CDH8: variants seen among roughly 807,000 people sequenced by gnomAD.
The protein encoded by CDH8 is cadherin 8.
In CDH8, 17 loss-of-function variants were observed where a neutral mutation model predicts 68.1. The ratio of observed to expected loss-of-function variants is 0.25; its 90% CI spans 0.17 to 0.37. The LOEUF is 0.37. Among genes scored for constraint, CDH8 ranks in the 10% least tolerant of loss-of-function variants. The probability of loss-of-function intolerance (pLI) is 1.00; values close to 1 mark genes in which losing one functional copy is unlikely to be tolerated. For missense variants in CDH8, 763 were observed against 999.3 expected, an observed-to-expected ratio of 0.76 and a Z score of 3.19; for synonymous variants, 372 against 365.1, an observed-to-expected ratio of 1.02 and a Z score of -0.21.
At chr16:61,687,308 A>G (rs937988196) in intron 10 of CDH8, among the ~76,000 whole-genome samples, 9 of 152,028 alleles carry the variant, frequency 5.9e-5, no homozygotes, top group African/African-American at 2.2e-4. Flanking sequence ...TTCTTTACTT[A>G]ATATGTACTG....
chr16:61,970,654 G>A (rs1336783670), intron 2 of CDH8, among the ~76,000 whole-genome samples: 9 of 152,110 alleles, frequency 5.9e-5, no homozygotes, highest in African/African-American at 2.2e-4. Flanking sequence ...CCCCAAACAA[G>A]CAATCAATTC....
rs1177112541 is a variant in CDH8 at position 61,801,794 on chromosome 16, A to G, written c.1278-12312T>C. On this transcript the variant is annotated intron_variant, in intron 7 of 11. Coordinates refer to ENST00000577390, the MANE Select transcript of CDH8 (RefSeq NM_001796.5). ...GCGGCGAACCATGAGATTATATCCC[A>G]CACCTGGCTCGGAGGGCCCTACGCC... is the stretch of plus-strand genomic sequence containing the variant. 7.9e-5 allele frequency among the ~76,000 whole-genome samples: 12 copies of G among 152,304 alleles called. No individual in the cohort carries two copies. In the East Asian group the frequency reaches 9.7e-4, roughly 12 times the overall value.
At chr16:61,817,448 G>C in intron 7 of CDH8, 31 bp downstream of exon 7, 1 of 1,610,504 alleles carries the variant, frequency 6.2e-7, no homozygotes, top group Non-Finnish European at 8.5e-7. Context: ...GTCATTTGCA[G>C]TAGCCAGTAT....
At chr16:61,717,286 C>T (rs1964749150) in intron 9 of CDH8, among the ~76,000 whole-genome samples, 1 of 151,470 alleles carries the variant, frequency 6.6e-6, no homozygotes, top group Non-Finnish European at 1.5e-5. Flanking sequence ...CAAAGCATAT[C>T]TGGGATGTTG....
chr16:61,653,813 G>A lies in CDH8; in HGVS notation c.2195C>T (p.Ala732Val). ...DEFINVRLHE[A>V]DNDPTAPPYD... ...TGGCGGGGCCGTGGGATCATTATCT[G>A]CCTCATGCAGCCTTACATTTATAAA... Residue 732 changes from alanine (A) to valine (V), a missense_variant, in exon 12 of 12, where the codon GCA becomes GTA. Coordinates refer to ENST00000577390, the MANE Select transcript of CDH8 (RefSeq NM_001796.5). The A allele has an allele frequency of 6.2e-7, 1 of 1,614,168 alleles. No homozygotes were observed. Among genetic ancestry groups the A allele is most frequent in the Non-Finnish European group, 8.5e-7 (1 of 1,180,026 alleles).
At chr16:61,751,752 G>A (rs1187701704) in intron 8 of CDH8, among the ~76,000 whole-genome samples, 1 of 152,000 alleles carries the variant, frequency 6.6e-6, no homozygotes, top group Non-Finnish European at 1.5e-5. Flanking sequence ...TTTGAAAACT[G>A]AATGGTAATT....
chr16:61,773,679 T>C (rs1335894149), intron 8 of CDH8, among the ~76,000 whole-genome samples: 1 of 152,098 alleles, frequency 6.6e-6, no homozygotes, highest in Non-Finnish European at 1.5e-5. Context: ...ACACAGTGCC[T>C]GGCCCAAAGA....
At chr16:61,747,390 C>T in intron 8 of CDH8, among the ~76,000 whole-genome samples, 1 of 151,906 alleles carries the variant, frequency 6.6e-6, no homozygotes, top group Non-Finnish European at 1.5e-5. Context: ...AAATGATGTG[C>T]TAGCTTCAAA....
At chr16:61,932,000 G>A (rs1964548484) in intron 2 of CDH8, among the ~76,000 whole-genome samples, 1 of 152,096 alleles carries the variant, frequency 6.6e-6, no homozygotes, top group South Asian at 2.1e-4. Context: ...GAGGTCAGGA[G>A]ATCGAGACCA....
intron 2 of CDH8, among the ~76,000 whole-genome samples, chr16:61,946,855 A>C (rs985081461): frequency 1.3e-5 from 2 of 152,172 alleles, no homozygotes; most frequent in Admixed American, 1.3e-4. Flanking sequence ...TAATTCCTAA[A>C]CTGAATAGCA....
chr16:61,954,239 GA>G (rs1305830934), intron 2 of CDH8, among the ~76,000 whole-genome samples: 7 of 152,076 alleles, frequency 4.6e-5, no homozygotes, highest in Non-Finnish European at 1.0e-4. Flanking sequence ...AAAGGAGGAG[GA>G]AAAACCCATT....
intron 2 of CDH8, among the ~76,000 whole-genome samples, chr16:62,002,832 T>A (rs1965913958): frequency 6.6e-6 from 1 of 152,128 alleles, no homozygotes. Context: ...GGTGGGCGGA[T>A]CACGAGGTCA....
chr16:61,927,654 GTCAGGTGGCACCCCGTCAGGCACCCCA>G, intron 2 of CDH8, among the ~76,000 whole-genome samples: 1 of 152,056 alleles, frequency 6.6e-6, no homozygotes, highest in Admixed American at 6.5e-5. Context: ...TAATGTTGGG[GTCAGGTGGCACCCCGTCAGGCACCCCA>G]TCAGGTGGCA....
At chr16:61,759,313 C>T (rs958726712) in intron 8 of CDH8, among the ~76,000 whole-genome samples, 1 of 150,464 alleles carries the variant, frequency 6.6e-6, no homozygotes, top group Non-Finnish European at 1.5e-5. Flanking sequence ...GTTACAGACA[C>T]AGATAATTTA....
At chr16:61,861,782 G>A (rs2065281641) in intron 3 of CDH8, among the ~76,000 whole-genome samples, 1 of 129,124 alleles carries the variant, frequency 7.7e-6, no homozygotes, top group South Asian at 2.4e-4. Flanking sequence ...CTTTAAAAAG[G>A]AAGGTGAACA....
At chr16:61,747,823 C>T (rs1960060507) in intron 8 of CDH8, among the ~76,000 whole-genome samples, 1 of 151,798 alleles carries the variant, frequency 6.6e-6, no homozygotes, top group Non-Finnish European at 1.5e-5. Flanking sequence ...ACTAAAAATG[C>T]TAAGTTCAAT....
intron 2 of CDH8, among the ~76,000 whole-genome samples, chr16:62,003,927 T>C (rs1262802291): frequency 6.6e-6 from 1 of 152,134 alleles, no homozygotes; most frequent in East Asian, 1.9e-4. Context: ...CTTAGTAAAA[T>C]GTATTCCTTC....
chr16:61,699,352 AAT>A (rs1250165327), intron 10 of CDH8, among the ~76,000 whole-genome samples: 1 of 152,136 alleles, frequency 6.6e-6, no homozygotes, highest in African/African-American at 2.4e-5. Context: ...CAACATTTGA[AAT>A]TGTGCTTTTA....
At chr16:61,783,048 A>G (rs1215714392) in intron 8 of CDH8, among the ~76,000 whole-genome samples, 4 of 149,290 alleles carry the variant, frequency 2.7e-5, no homozygotes, top group Non-Finnish European at 4.5e-5. Context: ...CTCCAAAGGA[A>G]CGCAGTTCCT....
Sources: allele counts gnomAD v4.1 joint callset (sites outside exome capture counted in the v4.1 genomes callset), GRCh38; gene constraint gnomAD v4.1.1; transcripts MANE v1.5; gene names NCBI Gene and HGNC (gene_info 2026-07-23, HGNC 2026-07-21).